The following UBE2O variants were observed in gnomAD, a reference collection of about 807,000 sequenced individuals.
The protein encoded by UBE2O is (E3-independent) E2 ubiquitin-conjugating enzyme.
Under a neutral mutation model 125.8 loss-of-function variants are expected in UBE2O, and 15 were observed. The observed-to-expected ratio is 0.12, with a 90% CI of 0.08 to 0.18. The LOEUF (loss-of-function observed/expected upper bound fraction) is 0.18. Among genes scored for constraint, UBE2O ranks in the 10% least tolerant of loss-of-function variants. UBE2O has a pLI of 1.00. For missense variants in UBE2O, 1,280 were observed against 1,723.6 expected (o/e 0.74, Z 4.56); for synonymous variants, 708 against 703.2 (o/e 1.01, Z -0.11).
In UBE2O at chr17:76,398,420, C is replaced by A; in HGVS notation, c.1897-37G>T. On this transcript the variant is annotated intron_variant, in intron 11 of 17. Coordinates refer to ENST00000319380, the MANE Select transcript of UBE2O (RefSeq NM_022066.4). This position sits in a 1 kb window ranked among gnomAD's most constrained non-coding sequence, Gnocchi z 5.4. Reference sequence around the variant, plus strand: ...GACAGGTTGTCATGAGCTAGGGGTCCTACACCCAACCCCAGAGCCCACCTG... The same window carrying A: ...GACAGGTTGTCATGAGCTAGGGGTCATACACCCAACCCCAGAGCCCACCTG... 1 of 1,614,076 alleles carries A rather than the reference C, an allele frequency of 6.2e-7. No homozygotes were observed.
Position 76,402,683 on chromosome 17 carries a change from T to C in UBE2O, c.605A>G (p.Asp202Gly). The C allele has an allele frequency of 6.2e-7, 1 of 1,614,006 alleles. No homozygotes were observed. The highest frequency in any genetic ancestry group is 8.5e-7 in the Non-Finnish European group (1 of 1,179,968). The change falls in exon 4 of 18, where the codon GAC becomes GGC. Residue 202 changes from aspartate (D) to glycine (G), a missense_variant. Asp to Gly is a moderately conservative substitution (Grantham distance 94). Transcript: ENST00000319380. This position sits in a 1 kb window ranked among gnomAD's most constrained non-coding sequence, Gnocchi z 5.4. ...CAGCCAGCAGTCATAGGCAATGTAG[T>C]CCCCATACATGAAGGGCTGCAGACC... ...LQHIWPFMYG[D>G]YIAYDCWLGK...
chr17:76,430,211 A>G (rs1264148445), intron 1 of UBE2O, among the ~76,000 whole-genome samples: 1 of 152,070 alleles, frequency 6.6e-6, no homozygotes, highest in Non-Finnish European at 1.5e-5. Context: ...TTTCTCTCCC[A>G]TTCTGTGTCC....
chr17:76,401,607 G>A (rs565079189), intron 5 of UBE2O: 3 of 169,516 alleles, frequency 1.8e-5, no homozygotes, highest in Non-Finnish European at 2.5e-5. Flanking sequence ...TGCCGGGCGC[G>A]GTGGCTCACG....
chr17:76,394,349 C>T (rs912595362), intron 15 of UBE2O, among the ~76,000 whole-genome samples: 8 of 152,186 alleles, frequency 5.3e-5, no homozygotes, highest in East Asian at 3.8e-4. Flanking sequence ...GGCAGGCAAA[C>T]GGGCTTGCCT....
intron 1 of UBE2O, among the ~76,000 whole-genome samples, chr17:76,416,244 G>A (rs2072615482): frequency 6.7e-6 from 1 of 150,366 alleles, no homozygotes; most frequent in South Asian, 2.1e-4. Context: ...ATATATGTGT[G>A]TATATGTATG....
rs770673488 is a variant in UBE2O at position 76,399,340 on chromosome 17, A to G, written c.1628+109T>C. 6.0e-5 allele frequency: 69 copies of G among 1,151,442 alleles called. No homozygotes were observed. The highest frequency in any genetic ancestry group is 7.9e-5 in the Non-Finnish European group (63 of 801,034). 71.3% of individuals were successfully genotyped at this position (1,151,442 alleles called of 1,614,324 possible). A position where few individuals can be genotyped will look rare whatever the true frequency, so the allele number is the denominator to read the frequency against. ...CGGGTGGGAGCCCCGGAGCCACTAC[A>G]AGGCATGCAGAGGTGTGTGTGCGAG... is the stretch of plus-strand genomic sequence containing the variant. On this transcript the variant is annotated intron_variant, in intron 9 of 17. Coordinates refer to ENST00000319380, the MANE Select transcript of UBE2O (RefSeq NM_022066.4). This position sits in a 1 kb window ranked among gnomAD's most constrained non-coding sequence, Gnocchi z 6.9.
rs1289390486 is a variant in UBE2O at position 76,402,724 on chromosome 17, G to A, written c.589-25C>T. 11 of 1,581,758 alleles carry A rather than the reference G, an allele frequency of 7.0e-6. No individual in the cohort carries two copies. Among genetic ancestry groups the A allele is most frequent in the Non-Finnish European group, 9.6e-6 (11 of 1,150,494 alleles). ...GCTGCAGACCAAGGAGGCAGGGGCA[G>A]TGAGACACAGCAGACAACGTTCATG... On this transcript the variant is annotated intron_variant, in intron 3 of 17. Coordinates refer to ENST00000319380, the MANE Select transcript of UBE2O (RefSeq NM_022066.4). The surrounding 1 kb of genome is among the most constrained non-coding windows in gnomAD (Gnocchi z 5.4).
rs76382452 is a variant in UBE2O, at chr17:76,410,386, T to C, written c.418-4814A>G. On this transcript the variant is annotated intron_variant, in intron 1 of 17. Coordinates refer to ENST00000319380, the MANE Select transcript of UBE2O (RefSeq NM_022066.4). This position sits in a 1 kb window ranked among gnomAD's most constrained non-coding sequence, Gnocchi z 4.0. Reference sequence around the variant, plus strand: ...TGGTCATAAAGGGTGGTGGGGGTTCTGGTATCTAGTGGGCAGAGGCCAGAA... The same window carrying C: ...TGGTCATAAAGGGTGGTGGGGGTTCCGGTATCTAGTGGGCAGAGGCCAGAA... Among the ~76,000 whole-genome samples the C allele has an allele frequency of 6.6e-5, 10 of 151,970 alleles. No homozygotes were observed. The East Asian group carries it at 1.9e-3, about 29-fold the overall frequency.
intron 1 of UBE2O, among the ~76,000 whole-genome samples, chr17:76,424,685 G>A (rs186989989): frequency 2.0e-5 from 3 of 151,858 alleles, no homozygotes; most frequent in African/African-American, 4.8e-5. Context: ...GACCAGCCTG[G>A]GCAACAGAGT....
At chr17:76,446,666 G>A (rs893702970) in intron 1 of UBE2O, among the ~76,000 whole-genome samples, 2 of 152,324 alleles carry the variant, frequency 1.3e-5, no homozygotes, top group East Asian at 1.9e-4. Flanking sequence ...CCCAGCCGAA[G>A]GATGACAGCA....
At chr17:76,406,844 C>T (rs1471923118) in intron 1 of UBE2O, among the ~76,000 whole-genome samples, 1 of 151,972 alleles carries the variant, frequency 6.6e-6, no homozygotes, top group Non-Finnish European at 1.5e-5. Context: ...GGACTGCAGG[C>T]ACGTGCCACC....
intron 1 of UBE2O, among the ~76,000 whole-genome samples, chr17:76,426,241 TC>T (rs1219000956): frequency 1.3e-5 from 2 of 152,196 alleles, no homozygotes; most frequent in East Asian, 3.9e-4. Flanking sequence ...GCTCAAGCGA[TC>T]CTCCTGTCTT....
chr17:76,396,885 G>C lies in UBE2O; in HGVS notation c.2116-64C>G. 1 of 1,405,520 alleles carries C rather than the reference G, an allele frequency of 7.1e-7. No homozygotes were observed. The highest frequency in any genetic ancestry group is 9.7e-7 in the Non-Finnish European group (1 of 1,035,748). 87.1% of individuals were successfully genotyped at this position (1,405,520 alleles called of 1,614,324 possible). ...AAGTCACCTCCCCACCACTAAGGAG[G>C]AGCTCTGGGGATCCCTGATCCGCAC... On this transcript the variant is annotated intron_variant, in intron 13 of 17. Transcript: ENST00000319380. This position sits in a 1 kb window ranked among gnomAD's most constrained non-coding sequence, Gnocchi z 6.7.
At chr17:76,406,714 T>C (rs2072428355) in intron 1 of UBE2O, among the ~76,000 whole-genome samples, 1 of 139,188 alleles carries the variant, frequency 7.2e-6, no homozygotes, top group Non-Finnish European at 1.5e-5. Context: ...TTTTTTTTTT[T>C]TTTGAGATGG....
chr17:76,417,836 G>A (rs1298167795), intron 1 of UBE2O, among the ~76,000 whole-genome samples: 1 of 152,216 alleles, frequency 6.6e-6, no homozygotes, highest in Non-Finnish European at 1.5e-5. Flanking sequence ...GAGACGTCTG[G>A]GTGAAGAGAT....
rs944833189 is a variant in UBE2O at position 76,410,590 on chromosome 17, CAATCAAATGGTAAGTGAGG to C, written c.418-5037_418-5019del. On this transcript the variant is annotated intron_variant, in intron 1 of 17. Coordinates refer to ENST00000319380, the MANE Select transcript of UBE2O (RefSeq NM_022066.4). The surrounding 1 kb of genome is among the most constrained non-coding windows in gnomAD (Gnocchi z 4.0). ...CCTCTGGATACATCAAGTAGGAAAG[CAATCAAATGGTAAGTGAGG>C]GGTCAGGGACAATGCCAGGGCAGAG... 6.6e-6 allele frequency among the ~76,000 whole-genome samples: 1 copy of C among 152,186 alleles called. No individual in the cohort carries two copies. Among genetic ancestry groups the C allele is most frequent in the Non-Finnish European group, 1.5e-5 (1 of 68,044 alleles).
intron 1 of UBE2O, among the ~76,000 whole-genome samples, chr17:76,429,192 G>A (rs924460669): frequency 8.6e-5 from 13 of 151,668 alleles, no homozygotes; most frequent in African/African-American, 2.2e-4. Context: ...GAGCCACCGC[G>A]TCCAGCCAGC....
At chr17:76,440,287 T>C (rs1171186513) in intron 1 of UBE2O, among the ~76,000 whole-genome samples, 1 of 152,210 alleles carries the variant, frequency 6.6e-6, no homozygotes, top group Admixed American at 6.5e-5. Flanking sequence ...TTTGAATACA[T>C]TGGGTTAAGT....
At position 76,399,966 on chromosome 17, in the gene UBE2O, G is replaced by A. The variant is rs1227539596; in HGVS notation, c.1156-45C>T. ...AGGACAGGGCTGTGAGGTGCACCTG[G>A]GCAGGCCTGGCCCTAGGCATCTCAG... On this transcript the variant is annotated intron_variant, in intron 8 of 17. Coordinates refer to ENST00000319380, the MANE Select transcript of UBE2O (RefSeq NM_022066.4). The surrounding 1 kb of genome is among the most constrained non-coding windows in gnomAD (Gnocchi z 6.9). The A allele has an allele frequency of 1.3e-6, 2 of 1,558,866 alleles. No individual in the cohort carries two copies. The highest frequency in any genetic ancestry group is 1.7e-6 in the Non-Finnish European group (2 of 1,151,776).
Sources: allele counts gnomAD v4.1 joint callset (sites outside exome capture counted in the v4.1 genomes callset), GRCh38; gene constraint gnomAD v4.1.1; non-coding constraint Gnocchi (gnomAD v3.1); transcripts MANE v1.5; gene names NCBI Gene and HGNC (gene_info 2026-07-23, HGNC 2026-07-21).